P2RY2: variants seen among roughly 807,000 people sequenced by gnomAD.
The protein encoded by P2RY2 is P2Y purinoceptor 2.
For synonymous variants in P2RY2, 241 were observed against 231.9 expected, an observed-to-expected ratio of 1.04 and a Z score of -0.35; for missense variants, 567 against 515.7, an observed-to-expected ratio of 1.10 and a Z score of -0.96.
Position 73,234,967 on chromosome 11 carries a change from T to A in P2RY2, c.808T>A (p.Ser270Thr). The change falls in exon 3 of 3, where the codon TCC (serine) becomes ACC (threonine). Residue 270 changes from serine (S) to threonine (T), a missense_variant. Transcript: ENST00000393597. ...PFHVTRTLYY[S>T]FRSLDLSCHT... Reference sequence around the variant, plus strand: ...CCACGTCACCCGCACCCTCTACTACTCCTTCCGCTCGCTGGACCTCAGCTG... The same window carrying A: ...CCACGTCACCCGCACCCTCTACTACACCTTCCGCTCGCTGGACCTCAGCTG... The A allele has an allele frequency of 6.2e-7, 1 of 1,610,492 alleles. No individual in the cohort carries two copies. The highest frequency in any genetic ancestry group is 8.5e-7 in the Non-Finnish European group (1 of 1,179,994).
chr11:73,234,626 C>T lies in P2RY2; in HGVS notation c.467C>T (p.Ala156Val). 1 of 1,569,830 alleles carries T rather than the reference C, an allele frequency of 6.4e-7. No homozygotes were observed. Among genetic ancestry groups the T allele is most frequent in the Non-Finnish European group, 8.6e-7 (1 of 1,157,112 alleles). The change falls in exon 3 of 3, where the codon GCC (alanine) becomes GTC (valine). Residue 156 changes from alanine (A) to valine (V), a missense_variant. Transcript: ENST00000393597. The stretch of plus-strand genomic sequence containing the variant: ...CGCTACGCTCGCCGGGTGGCCGGGG[C>T]CGTGTGGGTGTTGGTGCTGGCCTGC... ...RARYARRVAG[A>V]VWVLVLACQA...
intron 1 of P2RY2, among the ~76,000 whole-genome samples, chr11:73,225,540 TG>T (rs1382154224): frequency 6.6e-6 from 1 of 152,094 alleles, no homozygotes; most frequent in Non-Finnish European, 1.5e-5. Flanking sequence ...CAGAGAGCTG[TG>T]GGGCCAAAAA....
Position 73,235,103 on chromosome 11 carries a change from G to T in P2RY2, c.944G>T (p.Arg315Leu). ...LYFLAGQRLV[R>L]FARDAKPPTG... is the part of the protein sequence containing the mutation. ...TTCCTGGCTGGGCAGAGGCTCGTAC[G>T]CTTTGCCCGAGATGCCAAGCCACCC... Residue 315 changes from arginine to leucine, a missense_variant, in exon 3 of 3, where the codon CGC becomes CTC. Physicochemically the swap from Arg to Leu is moderately radical, Grantham distance 102 (BLOSUM62 -2). Coordinates refer to ENST00000393597, the MANE Select transcript of P2RY2 (RefSeq NM_002564.4). The T allele has an allele frequency of 6.2e-7, 1 of 1,606,526 alleles. No individual in the cohort carries two copies. The highest frequency in any genetic ancestry group is 8.5e-7 in the Non-Finnish European group (1 of 1,178,574).
Position 73,234,562 on chromosome 11 carries a change from G to A in P2RY2, c.403G>A (p.Val135Ile), listed in dbSNP as rs745434185. ...CATCAGCGTGCACCGGTGTCTGGGC[G>A]TCTTACGACCTCTGCGCTCCCTGCG... The part of the protein sequence containing the change: ...TCISVHRCLG[V>I]LRPLRSLRWG... Residue 135 changes from valine to isoleucine, a missense_variant, in exon 3 of 3, where the codon GTC (valine) becomes ATC (isoleucine). Physicochemically the swap from Val to Ile is conservative, Grantham distance 29. Transcript: ENST00000393597. The A allele has an allele frequency of 3.8e-6, 6 of 1,590,760 alleles. No homozygotes were observed. In the East Asian group the frequency reaches 6.7e-5, roughly 18 times the overall value.
chr11:73,232,294 C>T (rs1019381409), intron 2 of P2RY2, among the ~76,000 whole-genome samples: 1 of 152,190 alleles, frequency 6.6e-6, no homozygotes, highest in South Asian at 2.1e-4. Context: ...GATATTGCAG[C>T]CCATCCCCAG....
chr11:73,224,686 T>C (rs1375601732), intron 1 of P2RY2, among the ~76,000 whole-genome samples: 1 of 152,158 alleles, frequency 6.6e-6, no homozygotes, highest in Non-Finnish European at 1.5e-5. Context: ...CTGGACTGCC[T>C]TCCCCCTGAG....
rs1862773745 is a variant in P2RY2, at chr11:73,241,528, G to A, written c.*6235G>A. ...ACCCATGCTCCCTGCTCAGTGACGT[G>A]TGATTTTCCTTTCCCATCCATAAAC... On this transcript the variant is annotated 3_prime_UTR_variant, in exon 3 of 3. Transcript: ENST00000393597. The A allele has an allele frequency of 6.6e-6, 1 of 152,272 alleles. No homozygotes were observed. The highest frequency in any genetic ancestry group is 2.4e-5 in the African/African-American group (1 of 41,436). The allele number at this position is 152,272 out of a possible 1,614,324, so 9.4% of individuals were successfully genotyped here. A position where few individuals can be genotyped will look rare whatever the true frequency, so the allele number is the denominator to read the frequency against.
chr11:73,220,443 G>A (rs999612002), intron 1 of P2RY2, among the ~76,000 whole-genome samples: 5 of 152,196 alleles, frequency 3.3e-5, no homozygotes, highest in African/African-American at 1.2e-4. Context: ...AACTGTCCCA[G>A]GAGTTGTTTG....
At chr11:73,220,817 C>T (rs947321780) in intron 1 of P2RY2, among the ~76,000 whole-genome samples, 1 of 152,184 alleles carries the variant, frequency 6.6e-6, no homozygotes, top group Non-Finnish European at 1.5e-5. Flanking sequence ...TTCTGTCTCC[C>T]TCCTGCCCTG....
chr11:73,223,244 C>T (rs550703488), intron 1 of P2RY2, among the ~76,000 whole-genome samples: 151 of 152,166 alleles, frequency 9.9e-4, no homozygotes, highest in Non-Finnish European at 1.8e-3. Flanking sequence ...TGCTTTCATC[C>T]CCCTTTCCAC....
chr11:73,231,392 CA>C (rs201697252), intron 2 of P2RY2, among the ~76,000 whole-genome samples: 26,456 of 110,298 alleles, frequency 0.24, 3,052 homozygotes, highest in Middle Eastern at 0.35. Context: ...CTAAAAAATA[CA>C]AAAAAAAAAA....
In P2RY2 at chr11:73,236,790, G is replaced by T. The variant is rs1202595351; in HGVS notation, c.*1497G>T. 1 of 985,326 alleles carries T rather than the reference G, an allele frequency of 1.0e-6. No individual in the cohort carries two copies. The highest frequency in any genetic ancestry group is 1.2e-6 in the Non-Finnish European group (1 of 829,934). 61.0% of individuals were successfully genotyped at this position (985,326 alleles called of 1,614,324 possible). A position where few individuals can be genotyped will look rare whatever the true frequency, so the allele number is the denominator to read the frequency against. ...GCAGGGTGGTGCTCAGGCTGGGTCA[G>T]GACTTAGTATGGGGGAGATGGGTCT... On this transcript the variant is annotated 3_prime_UTR_variant, in exon 3 of 3. Transcript: ENST00000393597.
intron 2 of P2RY2, among the ~76,000 whole-genome samples, chr11:73,230,187 G>A (rs755259199): frequency 1.3e-5 from 2 of 152,036 alleles, no homozygotes; most frequent in Non-Finnish European, 2.9e-5. Flanking sequence ...CAAAGCTCCA[G>A]ACCTGAGGGA....
chr11:73,225,313 G>T (rs144989354), intron 1 of P2RY2, among the ~76,000 whole-genome samples: 3 of 152,350 alleles, frequency 2.0e-5, no homozygotes, highest in Non-Finnish European at 4.4e-5. Context: ...GGCCCAGACT[G>T]GGGTAGGGGC....
At chr11:73,226,343 C>A (rs1591629815) in intron 1 of P2RY2, among the ~76,000 whole-genome samples, 1 of 152,060 alleles carries the variant, frequency 6.6e-6, no homozygotes, top group Non-Finnish European at 1.5e-5. Context: ...AGGGTGTGCA[C>A]CTGGGTGCAG....
chr11:73,234,954 C>T lies in P2RY2; in HGVS notation c.795C>T (p.Arg265=), dbSNP rs1310179270. Residue 265 remains arginine, a synonymous_variant, in exon 3 of 3, where the codon CGC becomes CGT. Coordinates refer to ENST00000393597, the MANE Select transcript of P2RY2 (RefSeq NM_002564.4). ...ALCFLPFHVT[R]TLYYSFRSLD... Reference sequence around the variant, plus strand: ...GCTTCCTGCCATTCCACGTCACCCGCACCCTCTACTACTCCTTCCGCTCGC... The same window carrying T: ...GCTTCCTGCCATTCCACGTCACCCGTACCCTCTACTACTCCTTCCGCTCGC... The T allele has an allele frequency of 6.2e-7, 1 of 1,610,836 alleles. No homozygotes were observed. The highest frequency in any genetic ancestry group is 8.5e-7 in the Non-Finnish European group (1 of 1,180,006).
intron 1 of P2RY2, among the ~76,000 whole-genome samples, chr11:73,221,748 G>A (rs1862122256): frequency 6.6e-6 from 1 of 152,192 alleles, no homozygotes; most frequent in African/African-American, 2.4e-5. Context: ...GATAGGAGGA[G>A]GCTGGCTGTG....
At chr11:73,223,080 C>T (rs945529247) in intron 1 of P2RY2, among the ~76,000 whole-genome samples, 3 of 152,208 alleles carry the variant, frequency 2.0e-5, no homozygotes, top group African/African-American at 7.2e-5. Flanking sequence ...CAAAGGCTAT[C>T]AGGAGCAACG....
intron 1 of P2RY2, among the ~76,000 whole-genome samples, chr11:73,220,506 G>C (rs563617751): frequency 2.6e-5 from 4 of 152,322 alleles, no homozygotes; most frequent in African/African-American, 9.6e-5. Flanking sequence ...TGAGCCTTCA[G>C]ATGCTCCTGC....
Sources: gnomAD v4.1 joint callset for allele counts (sites outside exome capture counted in the v4.1 genomes callset) on GRCh38, gnomAD v4.1.1 for gene constraint, MANE v1.5 for transcripts, NCBI Gene and HGNC (gene_info 2026-07-23, HGNC 2026-07-21) for gene names.